Variants in CRYBG1 observed in about 807,000 individuals in gnomAD.
CRYBG1 encodes the protein crystallin beta-gamma domain containing 1, also known as beta/gamma crystallin domain-containing protein 1.
In CRYBG1, 139 loss-of-function variants were observed where a neutral mutation model predicts 189.2. The observed-to-expected ratio is 0.73, with a 90% CI of 0.64 to 0.85. The LOEUF (loss-of-function observed/expected upper bound fraction) is 0.85. CRYBG1 is among the 40% of genes least tolerant of loss of function. CRYBG1 has a pLI of 0.00. For synonymous variants in CRYBG1, 1,023 were observed against 1,017.1 expected (o/e 1.01, Z -0.11); for missense variants, 2,611 against 2,675.8 (o/e 0.98, Z 0.53).
intron 2 of CRYBG1, among the ~76,000 whole-genome samples, chr6:106,492,382 G>A (rs756251631): frequency 1.3e-5 from 2 of 152,088 alleles, no homozygotes; most frequent in Non-Finnish European, 2.9e-5. Flanking sequence ...TAAAGTAATA[G>A]TACCAAACAA....
At chr6:106,376,392 C>A (rs1042856112) in intron 1 of CRYBG1, among the ~76,000 whole-genome samples, 7 of 152,198 alleles carry the variant, frequency 4.6e-5, no homozygotes. Flanking sequence ...CACTCTCCAC[C>A]CTCCTCTGTG....
rs558015712 is a variant in CRYBG1, at chr6:106,361,043, C to T, written c.135C>T (p.Phe45=). The T allele has an allele frequency of 6.5e-7, 1 of 1,534,880 alleles. No individual in the cohort carries two copies. Among genetic ancestry groups the T allele is most frequent in the Non-Finnish European group, 8.7e-7 (1 of 1,146,554 alleles). ...QQPAPPDCGV[F]VPHPLPAPAG... is the part of the protein sequence containing the mutation. ...CGGCGCCGCCTGACTGTGGGGTGTT[C>T]GTTCCGCACCCGCTCCCGGCGCCTG... The change falls in exon 1 of 22, where the codon TTC becomes TTT. Residue 45 remains phenylalanine, a synonymous_variant. Transcript: ENST00000633556.
At chr6:106,487,887 G>A (rs1222704793) in intron 2 of CRYBG1, among the ~76,000 whole-genome samples, 5 of 152,056 alleles carry the variant, frequency 3.3e-5, no homozygotes, top group Non-Finnish European at 7.4e-5. Flanking sequence ...TTTTCTTCTT[G>A]TGTCCCTACA....
chr6:106,460,639 G>A (rs2114451879), intron 2 of CRYBG1, among the ~76,000 whole-genome samples: 1 of 152,260 alleles, frequency 6.6e-6, no homozygotes, highest in Admixed American at 6.5e-5. Context: ...GAGATGGGGA[G>A]CAGGAGTGGG....
At chr6:106,568,135 T>C (rs1156904627) in intron 21 of CRYBG1, among the ~76,000 whole-genome samples, 1 of 147,668 alleles carries the variant, frequency 6.8e-6, no homozygotes, top group Non-Finnish European at 1.5e-5. Flanking sequence ...TTCCCTTCTC[T>C]CGGGTTTTCC....
chr6:106,534,193 T>C (rs539921465), intron 8 of CRYBG1, among the ~76,000 whole-genome samples: 1 of 152,332 alleles, frequency 6.6e-6, no homozygotes, highest in African/African-American at 2.4e-5. Context: ...GGCTTGGCTA[T>C]GTTGAAGCAC....
chr6:106,369,237 C>T (rs565005718), intron 1 of CRYBG1, among the ~76,000 whole-genome samples: 66 of 152,276 alleles, frequency 4.3e-4, no homozygotes, highest in African/African-American at 1.6e-3. Flanking sequence ...AGGTTGCACC[C>T]ATAGCTAACA....
At chr6:106,561,794 T>C (rs777918187) in intron 20 of CRYBG1, among the ~76,000 whole-genome samples, 10 of 152,222 alleles carry the variant, frequency 6.6e-5, no homozygotes, top group Non-Finnish European at 1.0e-4. Context: ...TTTTCCTTAA[T>C]GTAACTGTTA....
intron 13 of CRYBG1, among the ~76,000 whole-genome samples, chr6:106,548,274 T>C (rs1435453360): frequency 4.6e-5 from 7 of 152,170 alleles, no homozygotes; most frequent in African/African-American, 1.7e-4. Context: ...GATCTGGGTT[T>C]TGCGGCTTCT....
intron 1 of CRYBG1, among the ~76,000 whole-genome samples, chr6:106,379,074 G>C (rs1343357722): frequency 6.6e-6 from 1 of 151,996 alleles, no homozygotes; most frequent in Non-Finnish European, 1.5e-5. Flanking sequence ...GCTTGACCCC[G>C]GGAGGCAGAG....
At chr6:106,517,175 A>AT (rs1773443121) in intron 3 of CRYBG1, among the ~76,000 whole-genome samples, 2 of 150,412 alleles carry the variant, frequency 1.3e-5, no homozygotes, top group Admixed American at 1.3e-4. Context: ...CACCTGGCTA[A>AT]TTTTTTTGTT....
intron 21 of CRYBG1, among the ~76,000 whole-genome samples, chr6:106,566,934 G>GTA (rs1246397524): frequency 6.6e-6 from 1 of 152,088 alleles, no homozygotes; most frequent in Non-Finnish European, 1.5e-5. Context: ...AGACATTCAT[G>GTA]TATTATTCCA....
chr6:106,485,254 T>C (rs1440728050), intron 2 of CRYBG1, among the ~76,000 whole-genome samples: 1 of 152,220 alleles, frequency 6.6e-6, no homozygotes, highest in African/African-American at 2.4e-5. Context: ...TTTTTGTAGC[T>C]ATTATAAACA....
chr6:106,490,278 C>G (rs1265681977), intron 2 of CRYBG1, among the ~76,000 whole-genome samples: 1 of 152,186 alleles, frequency 6.6e-6, no homozygotes, highest in African/African-American at 2.4e-5. Context: ...TGTGGCATAA[C>G]CATCTTTAAG....
At chr6:106,365,295 C>T (rs541996332) in intron 1 of CRYBG1, among the ~76,000 whole-genome samples, 82 of 151,870 alleles carry the variant, frequency 5.4e-4, no homozygotes, top group African/African-American at 1.9e-3. Flanking sequence ...GGGGTGGTGG[C>T]GGACGCCTGT....
In CRYBG1 at chr6:106,450,978, G is replaced by C. The variant is rs553617162; in HGVS notation, c.174-716G>C. Among the ~76,000 whole-genome samples the C allele has an allele frequency of 3.3e-4, 50 of 152,318 alleles. No homozygotes were observed. The South Asian group carries it at 0.01, about 32-fold the overall frequency. ...AAATCAGTTACTGGTGAGGGAAACT[G>C]GACACCAGGGTTAGAGCAATCCCGA... On this transcript the variant is annotated intron_variant, in intron 1 of 21. Transcript: ENST00000633556.
intron 1 of CRYBG1, among the ~76,000 whole-genome samples, chr6:106,436,436 C>T (rs1418775953): frequency 6.6e-6 from 1 of 152,096 alleles, no homozygotes; most frequent in Non-Finnish European, 1.5e-5. Context: ...GTTGCTGGGA[C>T]TACAGGCGCC....
chr6:106,492,302 T>G (rs1582793619), intron 2 of CRYBG1, among the ~76,000 whole-genome samples: 1 of 152,322 alleles, frequency 6.6e-6, no homozygotes, highest in East Asian at 1.9e-4. Flanking sequence ...ACTAATTGTT[T>G]CATATCTTTT....
At chr6:106,419,296 C>G (rs562829781) in intron 1 of CRYBG1, among the ~76,000 whole-genome samples, 236 of 152,256 alleles carry the variant, frequency 1.6e-3, no homozygotes, top group African/African-American at 5.6e-3. Flanking sequence ...ACTTTCGTAC[C>G]CTTACTAACT....
Sources: allele counts gnomAD v4.1 joint callset (sites outside exome capture counted in the v4.1 genomes callset), GRCh38; gene constraint gnomAD v4.1.1; transcripts MANE v1.5; gene names NCBI Gene and HGNC (gene_info 2026-07-23, HGNC 2026-07-21).